MITF: variants seen among roughly 807,000 people sequenced by gnomAD.
MITF encodes the protein microphthalmia-associated transcription factor.
In MITF, 17 loss-of-function variants were observed where a neutral mutation model predicts 60.5. The observed-to-expected ratio is 0.28, with a 90% CI of 0.19 to 0.42. The LOEUF (loss-of-function observed/expected upper bound fraction) is 0.42, where lower values mean the gene tolerates loss of function less well. Ranked by LOEUF, MITF falls within the 10% of genes least tolerant of loss-of-function variation. The pLI, the probability that MITF is intolerant of heterozygous loss-of-function variation, is 1.00. For missense variants in MITF, 622 were observed against 683.5 expected (o/e 0.91, Z 1.00); for synonymous variants, 260 against 248.5 (o/e 1.05, Z -0.43).
intron 9 of MITF, among the ~76,000 whole-genome samples, chr3:69,962,387 A>T (rs1451476081): frequency 6.6e-6 from 1 of 152,218 alleles, no homozygotes; most frequent in Non-Finnish European, 1.5e-5. Context: ...TCTGGAGATT[A>T]TGTAAAGGAA....
intron 2 of MITF, among the ~76,000 whole-genome samples, chr3:69,927,920 T>G (rs2065630742): frequency 6.6e-6 from 1 of 152,258 alleles, no homozygotes; most frequent in African/African-American, 2.4e-5. Context: ...GATATTTGTT[T>G]TCAATTTTTT....
intron 1 of MITF, among the ~76,000 whole-genome samples, chr3:69,766,443 T>A (rs1575682066): frequency 1.4e-5 from 2 of 146,846 alleles, no homozygotes; most frequent in South Asian, 4.5e-4. Context: ...GCCAGGCTGG[T>A]CTTGAACTCC....
chr3:69,829,797 G>C (rs1182997918), intron 1 of MITF, among the ~76,000 whole-genome samples: 1 of 152,052 alleles, frequency 6.6e-6, no homozygotes, highest in Non-Finnish European at 1.5e-5. Flanking sequence ...ATCACTATTG[G>C]TGTGGTTTTG....
rs2066724814 is a variant in MITF at position 69,967,742 on chromosome 3, T to C, written c.*2494T>C. On this transcript the variant is annotated 3_prime_UTR_variant, in exon 10 of 10. Coordinates refer to ENST00000352241, the MANE Select transcript of MITF (RefSeq NM_001354604.2). ...TATTTCTTTTTTGCCAAATAGAGTGTGGATTCATTTCAGGGGCTAGCTAAG... is the reference window on the plus strand; with the variant it reads ...TATTTCTTTTTTGCCAAATAGAGTGCGGATTCATTTCAGGGGCTAGCTAAG... The C allele has an allele frequency of 4.3e-6, 1 of 232,916 alleles. No homozygotes were observed. Among genetic ancestry groups the C allele is most frequent in the South Asian group, 1.8e-4 (1 of 5,528 alleles). The allele number at this position is 232,916 out of a possible 1,614,324, so 14.4% of individuals were successfully genotyped here.
intron 1 of MITF, among the ~76,000 whole-genome samples, chr3:69,814,407 C>T (rs2063148704): frequency 6.6e-6 from 1 of 152,100 alleles, no homozygotes; most frequent in African/African-American, 2.4e-5. Context: ...TGGCTCACTG[C>T]TGCCTTAATT....
chr3:69,938,590 T>C, intron 3 of MITF: 1 of 1,372,530 alleles, frequency 7.3e-7, no homozygotes, highest in Non-Finnish European at 9.4e-7. Flanking sequence ...GGATACATTC[T>C]GTTTCATAAT....
chr3:69,861,079 A>G (rs773584475), intron 1 of MITF, among the ~76,000 whole-genome samples: 5 of 152,210 alleles, frequency 3.3e-5, no homozygotes, highest in African/African-American at 7.2e-5. Flanking sequence ...TTGTACCCCA[A>G]TACTTTCTGC....
chr3:69,841,371 T>C (rs1183582803), intron 1 of MITF, among the ~76,000 whole-genome samples: 1 of 152,224 alleles, frequency 6.6e-6, no homozygotes, highest in African/African-American at 2.4e-5. Flanking sequence ...TTTGGTGGTA[T>C]AATATTTGAA....
intron 1 of MITF, among the ~76,000 whole-genome samples, chr3:69,800,546 G>A (rs2062902761): frequency 6.6e-6 from 1 of 152,120 alleles, no homozygotes; most frequent in African/African-American, 2.4e-5. Context: ...TGTTCTTACA[G>A]CAGGCAAACC....
chr3:69,742,791 A>G (rs1703576553), intron 1 of MITF, among the ~76,000 whole-genome samples: 1 of 152,122 alleles, frequency 6.6e-6, no homozygotes, highest in South Asian at 2.1e-4. Flanking sequence ...TATTTTCTTT[A>G]CAGTTCATTC....
At chr3:69,883,848 T>A (rs1363125909) in intron 2 of MITF, among the ~76,000 whole-genome samples, 1 of 152,166 alleles carries the variant, frequency 6.6e-6, no homozygotes, top group East Asian at 1.9e-4. Flanking sequence ...GACCAGCATA[T>A]ACTTATGACC....
At chr3:69,750,604 G>A (rs989227247) in intron 1 of MITF, among the ~76,000 whole-genome samples, 7 of 151,714 alleles carry the variant, frequency 4.6e-5, no homozygotes, top group Admixed American at 4.6e-4. Context: ...TCTTAAACTC[G>A]AGTGTGCATC....
chr3:69,842,050 T>C (rs1296331124), intron 1 of MITF, among the ~76,000 whole-genome samples: 1 of 152,238 alleles, frequency 6.6e-6, no homozygotes, highest in Non-Finnish European at 1.5e-5. Flanking sequence ...GTAAACATGA[T>C]ACCTATCAAA....
At chr3:69,806,204 C>A (rs1035377688) in intron 1 of MITF, among the ~76,000 whole-genome samples, 10 of 151,892 alleles carry the variant, frequency 6.6e-5, no homozygotes, top group African/African-American at 1.9e-4. Flanking sequence ...CCTGCCTCAG[C>A]CTCCTGAGTA....
At chr3:69,833,945 G>A (rs1474560169) in intron 1 of MITF, among the ~76,000 whole-genome samples, 3 of 152,210 alleles carry the variant, frequency 2.0e-5, no homozygotes, top group Non-Finnish European at 4.4e-5. Context: ...GCACCCAGTA[G>A]CATTGCCAGA....
chr3:69,847,108 T>C (rs570175029), intron 1 of MITF, among the ~76,000 whole-genome samples: 32 of 152,292 alleles, frequency 2.1e-4, no homozygotes, highest in African/African-American at 7.7e-4. Context: ...CAGCTAAATA[T>C]TGGTCACCCT....
intron 1 of MITF, among the ~76,000 whole-genome samples, chr3:69,870,483 G>A (rs1425725872): frequency 6.8e-6 from 1 of 147,992 alleles, no homozygotes; most frequent in Non-Finnish European, 1.5e-5. Flanking sequence ...TCACCAGGCT[G>A]GAGTGCAGTG....
chr3:69,795,014 G>A (rs1057208457), intron 1 of MITF, among the ~76,000 whole-genome samples: 13 of 152,238 alleles, frequency 8.5e-5, no homozygotes, highest in African/African-American at 3.1e-4. Flanking sequence ...ATTATGGTGG[G>A]CATTTGGGTT....
At chr3:69,782,015 A>G (rs989565313) in intron 1 of MITF, among the ~76,000 whole-genome samples, 4 of 144,810 alleles carry the variant, frequency 2.8e-5, no homozygotes, top group South Asian at 4.5e-4. Flanking sequence ...TTAGGGTTCA[A>G]CATCTCCAGA....
Sources: gnomAD v4.1 joint callset for allele counts (sites outside exome capture counted in the v4.1 genomes callset) on GRCh38, gnomAD v4.1.1 for gene constraint, MANE v1.5 for transcripts, NCBI Gene and HGNC (gene_info 2026-07-23, HGNC 2026-07-21) for gene names.